PPP2R2B: variants seen among roughly 807,000 people sequenced by gnomAD.
The protein encoded by PPP2R2B is protein phosphatase 2 regulatory subunit Bbeta.
In PPP2R2B, 5 loss-of-function variants were observed where a neutral mutation model predicts 46.0. The observed-to-expected ratio is 0.11, with a 90% confidence interval of 0.06 to 0.23. PPP2R2B has a LOEUF of 0.23. PPP2R2B is among the 10% of genes least tolerant of loss of function. The probability of loss-of-function intolerance (pLI) is 1.00; values close to 1 mark genes in which losing one functional copy is unlikely to be tolerated. For missense variants in PPP2R2B, 367 were observed against 575.0 expected (o/e 0.64, Z 3.70); for synonymous variants, 215 against 206.7 (o/e 1.04, Z -0.34).
intron 2 of PPP2R2B, among the ~76,000 whole-genome samples, chr5:146,703,333 A>T (rs1779650912): frequency 6.6e-6 from 1 of 152,222 alleles, no homozygotes; most frequent in East Asian, 1.9e-4. Context: ...AAGAAAGAGT[A>T]GCAGGAAATA....
chr5:146,937,302 G>GA lies in PPP2R2B; in HGVS notation c.79+118362dup, dbSNP rs202060447. Among the ~76,000 whole-genome samples the GA allele has an allele frequency of 1.3e-3, 177 of 132,910 alleles. 1 individual carries two copies. Among genetic ancestry groups the GA allele is most frequent in the Non-Finnish European group, 1.3e-3 (82 of 60,802 alleles). 87.2% of individuals were successfully genotyped at this position (132,910 alleles called of 152,430 possible). A position where few individuals can be genotyped will look rare whatever the true frequency, so the allele number is the denominator to read the frequency against. The stretch of plus-strand genomic sequence containing the variant: ...GGTGACAGAGTGAGACTCCGTCTCA[G>GA]AAAAAAAAAAAAAGGGGGGTTACTA... On this transcript the variant is annotated intron_variant, in intron 1 of 8. Transcript: ENST00000336640.
At chr5:147,051,245 C>T (rs996077519) in intron 1 of PPP2R2B, among the ~76,000 whole-genome samples, 1 of 152,180 alleles carries the variant, frequency 6.6e-6, no homozygotes, top group Admixed American at 6.5e-5. Flanking sequence ...TACCACTTCA[C>T]TAGCTGTGGT....
intron 5 of PPP2R2B, among the ~76,000 whole-genome samples, chr5:146,685,234 T>C (rs1053872090): frequency 1.3e-5 from 2 of 152,232 alleles, no homozygotes; most frequent in African/African-American, 2.4e-5. Context: ...AGACAGACTC[T>C]GGAGCTCTGG....
At chr5:146,848,740 C>G (rs1005426305) in intron 2 of PPP2R2B, among the ~76,000 whole-genome samples, 4 of 152,170 alleles carry the variant, frequency 2.6e-5, no homozygotes, top group African/African-American at 7.2e-5. Context: ...AGAAAGAAGT[C>G]ATGATGTACA....
chr5:146,645,674 G>A (rs1331568877), intron 6 of PPP2R2B, among the ~76,000 whole-genome samples: 1 of 152,166 alleles, frequency 6.6e-6, no homozygotes, highest in African/African-American at 2.4e-5. Context: ...GCTTCAGCTT[G>A]GTTGACAAAT....
intron 1 of PPP2R2B, among the ~76,000 whole-genome samples, chr5:146,993,231 A>G (rs1348362531): frequency 1.8e-5 from 2 of 111,556 alleles, no homozygotes; most frequent in Admixed American, 9.1e-5. Flanking sequence ...GTGTGAGTCA[A>G]TGGTCCTAGC....
At chr5:146,961,505 T>G in intron 1 of PPP2R2B, among the ~76,000 whole-genome samples, 1 of 152,228 alleles carries the variant, frequency 6.6e-6, no homozygotes, top group East Asian at 1.9e-4. Context: ...AGGTAAAAAT[T>G]AGCACCACAT....
chr5:146,635,877 G>A (rs546475557), intron 7 of PPP2R2B, among the ~76,000 whole-genome samples: 28 of 152,248 alleles, frequency 1.8e-4, no homozygotes, highest in Non-Finnish European at 3.2e-4. Context: ...TATCCTCAAG[G>A]CATTTACTAT....
intron 1 of PPP2R2B, among the ~76,000 whole-genome samples, chr5:147,005,095 G>A (rs1754374312): frequency 6.6e-6 from 1 of 152,164 alleles, no homozygotes; most frequent in South Asian, 2.1e-4. Context: ...AAACATGTAT[G>A]TGTGAGGCCC....
At chr5:146,946,145 G>A (rs1296125136) in intron 1 of PPP2R2B, among the ~76,000 whole-genome samples, 2 of 152,152 alleles carry the variant, frequency 1.3e-5, no homozygotes, top group East Asian at 1.9e-4. Flanking sequence ...AGCCGCTTAA[G>A]CAACAGCTTT....
chr5:147,031,785 TAA>T (rs1222802556), intron 1 of PPP2R2B, among the ~76,000 whole-genome samples: 1 of 151,920 alleles, frequency 6.6e-6, no homozygotes, highest in African/African-American at 2.4e-5. Flanking sequence ...AACAAAAACA[TAA>T]AGTGGGGAAA....
Position 146,878,654 on chromosome 5 carries a change from TGGCGGGGAGCTGGGCAGGGCGCTGCA to T in PPP2R2B, c.-214_-189del. 1.6e-6 allele frequency: 2 copies of T among 1,261,528 alleles called. 1 individual carries two copies. 78.1% of individuals were successfully genotyped at this position (1,261,528 alleles called of 1,614,324 possible). On this transcript the variant is annotated 5_prime_UTR_variant, in exon 1 of 10. Transcript: ENST00000394411. This position sits in a 1 kb window ranked among gnomAD's most constrained non-coding sequence, Gnocchi z 4.5. ...CTCCGGCAGGCGGGGGTAGGGAAGC[TGGCGGGGAGCTGGGCAGGGCGCTGCA>T]GCCGGCGCCAGCGCACTCACCCTCA...
At chr5:147,070,330 C>T (rs532264840) in intron 2 of PPP2R2B, among the ~76,000 whole-genome samples, 51 of 152,196 alleles carry the variant, frequency 3.4e-4, no homozygotes, top group Admixed American at 8.5e-4. Context: ...TATTTATACA[C>T]TCTTTTTTAA....
chr5:146,672,996 CTGTT>C (rs1263806686), intron 5 of PPP2R2B, among the ~76,000 whole-genome samples: 1 of 152,176 alleles, frequency 6.6e-6, no homozygotes, highest in East Asian at 1.9e-4. Flanking sequence ...AGTTTACAGA[CTGTT>C]TGGAATTTTA....
At chr5:146,600,270 T>C (rs1381080830) in intron 8 of PPP2R2B, 21 bp downstream of exon 8, 8 of 1,611,446 alleles carry the variant, frequency 5.0e-6, no homozygotes, top group Admixed American at 1.7e-5. Context: ...AATATACCTA[T>C]GGGTGCCTGG....
At chr5:146,664,855 A>G (rs1021833851) in intron 5 of PPP2R2B, among the ~76,000 whole-genome samples, 1 of 152,176 alleles carries the variant, frequency 6.6e-6, no homozygotes, top group African/African-American at 2.4e-5. Context: ...GCAGGCCGGA[A>G]AACATTAATC....
chr5:146,655,315 G>C (rs1296290204), intron 5 of PPP2R2B, among the ~76,000 whole-genome samples: 1 of 152,214 alleles, frequency 6.6e-6, no homozygotes, highest in Non-Finnish European at 1.5e-5. Flanking sequence ...ATATATTTCA[G>C]TTGTAATATT....
At chr5:146,745,311 G>C (rs1476437332) in intron 2 of PPP2R2B, among the ~76,000 whole-genome samples, 1 of 152,062 alleles carries the variant, frequency 6.6e-6, no homozygotes, top group Admixed American at 6.6e-5. Context: ...CCTTGAACAA[G>C]CTCTCAACTC....
chr5:146,590,598 G>A (rs1770536239), intron 9 of PPP2R2B, among the ~76,000 whole-genome samples: 1 of 152,010 alleles, frequency 6.6e-6, no homozygotes, highest in Non-Finnish European at 1.5e-5. Context: ...ACTAGAATGA[G>A]GTTTGTCGAA....
Sources: allele counts gnomAD v4.1 joint callset (sites outside exome capture counted in the v4.1 genomes callset), GRCh38; gene constraint gnomAD v4.1.1; non-coding constraint Gnocchi (gnomAD v3.1); transcripts MANE v1.5; gene names NCBI Gene and HGNC (gene_info 2026-07-23, HGNC 2026-07-21).